The following TRHDE variants were observed in gnomAD, a reference collection of about 807,000 sequenced individuals.
TRHDE encodes thyrotropin releasing hormone degrading enzyme, also known as thyrotropin-releasing hormone-degrading ectoenzyme.
In TRHDE, 72 loss-of-function variants were observed where a neutral mutation model predicts 125.7. The observed-to-expected ratio is 0.57, with a 90% CI of 0.47 to 0.70. The LOEUF (loss-of-function observed/expected upper bound fraction) is 0.70, where lower values mean the gene tolerates loss of function less well. TRHDE is among the 30% of genes least tolerant of loss of function. The pLI, the probability that TRHDE is intolerant of heterozygous loss-of-function variation, is 0.00. For missense variants in TRHDE, 1,110 were observed against 1,327.1 expected (o/e 0.84, Z 2.54); for synonymous variants, 509 against 509.1 (o/e 1.00, Z 0.00).
At chr12:72,146,407 A>G (rs1007822787) in intron 2 of TRHDE, among the ~76,000 whole-genome samples, 4 of 152,106 alleles carry the variant, frequency 2.6e-5, no homozygotes, top group African/African-American at 9.7e-5. Flanking sequence ...CTGAATTTCC[A>G]TCTCTTACTT....
chr12:72,412,964 C>T (rs1046623410), intron 3 of TRHDE, among the ~76,000 whole-genome samples: 2 of 151,788 alleles, frequency 1.3e-5, no homozygotes, highest in Non-Finnish European at 2.9e-5. Context: ...GGGCAGTGAT[C>T]GGGGTGGTGC....
chr12:72,104,748 A>T (rs1302080259), intron 1 of TRHDE, among the ~76,000 whole-genome samples: 2 of 152,200 alleles, frequency 1.3e-5, no homozygotes, highest in African/African-American at 4.8e-5. Flanking sequence ...TCCATGCCAC[A>T]CTATTAACAG....
At chr12:72,282,843 T>A (rs1879745500) in intron 1 of TRHDE, among the ~76,000 whole-genome samples, 1 of 152,210 alleles carries the variant, frequency 6.6e-6, no homozygotes, top group Non-Finnish European at 1.5e-5. Context: ...GGACAATTTC[T>A]TCCTACAGTG....
At position 72,609,968 on chromosome 12, in the gene TRHDE, AC is replaced by A. The variant is rs558433160; in HGVS notation, c.2322-8921del. Among the ~76,000 whole-genome samples the A allele has an allele frequency of 1.8e-4, 27 of 152,190 alleles. No homozygotes were observed. In the South Asian group the frequency reaches 5.0e-3, roughly 28 times the overall value. On this transcript the variant is annotated intron_variant, in intron 12 of 18. Coordinates refer to ENST00000261180, the MANE Select transcript of TRHDE (RefSeq NM_013381.3). ...TGCTCAATAAGCAGAATTCCATACT[AC>A]CTTTAAGAGTTGTATTTTCCATGGA... is the stretch of plus-strand genomic sequence containing the variant.
intron 15 of TRHDE, among the ~76,000 whole-genome samples, 182 bp downstream of exon 15, chr12:72,621,933 CTT>C (rs769468397): frequency 6.6e-6 from 1 of 152,110 alleles, no homozygotes; most frequent in Non-Finnish European, 1.5e-5. Context: ...ATACAGGTAT[CTT>C]TGAAATGTTT....
Position 72,327,137 on chromosome 12 carries a change from A to C in TRHDE, c.1188+40183A>C, listed in dbSNP as rs1869379096. Among the ~76,000 whole-genome samples, 5 of 152,106 alleles carry C rather than the reference A, an allele frequency of 3.3e-5. No homozygotes were observed. In the South Asian group the frequency reaches 1.0e-3, roughly 32 times the overall value. On this transcript the variant is annotated intron_variant, in intron 2 of 18. Coordinates refer to ENST00000261180, the MANE Select transcript of TRHDE (RefSeq NM_013381.3). ...TCACTCATATCTCTCACAAAATCAAAGATATTTCAGAAAATTGTTTGAGCT... is the reference window on the plus strand; with the variant it reads ...TCACTCATATCTCTCACAAAATCAACGATATTTCAGAAAATTGTTTGAGCT...
intron 2 of TRHDE, among the ~76,000 whole-genome samples, chr12:72,307,420 C>T (rs1424905210): frequency 6.6e-6 from 1 of 151,510 alleles, no homozygotes; most frequent in African/African-American, 2.4e-5. Flanking sequence ...AGTGGATCCA[C>T]CCGCCTCCCA....
chr12:72,661,583 A>G (rs1474474349), intron 18 of TRHDE, among the ~76,000 whole-genome samples: 2 of 152,150 alleles, frequency 1.3e-5, no homozygotes, highest in East Asian at 3.9e-4. Context: ...ACATAAATAT[A>G]TAAGTACAAA....
chr12:72,142,221 A>G (rs1876127501), intron 2 of TRHDE, among the ~76,000 whole-genome samples: 1 of 152,176 alleles, frequency 6.6e-6, no homozygotes, highest in Non-Finnish European at 1.5e-5. Flanking sequence ...GTAAGCCTGT[A>G]AAGTCCCAGG....
At chr12:72,382,670 G>A (rs1872239599) in intron 3 of TRHDE, among the ~76,000 whole-genome samples, 1 of 152,168 alleles carries the variant, frequency 6.6e-6, no homozygotes. Context: ...GCTTTGGAAG[G>A]AATGTTTGTA....
rs759509407 is a variant in TRHDE at position 72,273,149 on chromosome 12, C to T, written c.506C>T (p.Pro169Leu). ...VASPGTTSAQPPSEEEREPWE... is the reference protein window; with the variant it reads ...VASPGTTSAQLPSEEEREPWE... ...AGTCCGGGGACCACGTCGGCCCAGC[C>T]GCCGTCGGAGGAGGAGCGGGAGCCG... Residue 169 changes from proline (P) to leucine (L), a missense_variant, in exon 1 of 19, where the codon CCG becomes CTG. Around this residue, in one of 5 missense-constraint regions of TRHDE, gnomAD observed 248 missense variants for 240.8 expected, o/e 1.03. Coordinates refer to ENST00000261180, the MANE Select transcript of TRHDE (RefSeq NM_013381.3). This position sits in a 1 kb window ranked among gnomAD's most constrained non-coding sequence, Gnocchi z 5.3. 6.4e-6 allele frequency: 10 copies of T among 1,570,554 alleles called. No individual in the cohort carries two copies. The highest frequency in any genetic ancestry group is 8.6e-6 in the Non-Finnish European group (10 of 1,156,746).
chr12:72,494,978 G>A (rs1356140291), intron 5 of TRHDE, among the ~76,000 whole-genome samples: 2 of 142,038 alleles, frequency 1.4e-5, no homozygotes, highest in East Asian at 4.3e-4. Context: ...CTTGCAAAAT[G>A]TCTAAAACTG....
chr12:72,512,545 CA>C (rs998022114), intron 6 of TRHDE, among the ~76,000 whole-genome samples: 29 of 126,526 alleles, frequency 2.3e-4, no homozygotes, highest in South Asian at 4.7e-4. Flanking sequence ...TATATATATT[CA>C]TATATAATCA....
intron 2 of TRHDE, among the ~76,000 whole-genome samples, chr12:72,179,383 T>C (rs1013501195): frequency 6.6e-6 from 1 of 152,120 alleles, no homozygotes; most frequent in Non-Finnish European, 1.5e-5. Flanking sequence ...TAAAGGATTT[T>C]ACAAATTACC....
chr12:72,381,492 T>C (rs1592404953), intron 3 of TRHDE, among the ~76,000 whole-genome samples: 1 of 143,530 alleles, frequency 7.0e-6, no homozygotes, highest in South Asian at 2.3e-4. Context: ...GCCTCCCGGG[T>C]TCACGCCATT....
At chr12:72,308,955 T>C (rs1174809100) in intron 2 of TRHDE, among the ~76,000 whole-genome samples, 1 of 152,226 alleles carries the variant, frequency 6.6e-6, no homozygotes, top group Non-Finnish European at 1.5e-5. Flanking sequence ...CTTTGTTCTT[T>C]TTTTAATGTT....
chr12:72,529,976 G>C (rs756846573), intron 6 of TRHDE, among the ~76,000 whole-genome samples: 60 of 152,202 alleles, frequency 3.9e-4, no homozygotes, highest in Non-Finnish European at 6.2e-4. Context: ...AGTGAATGAA[G>C]GTCTGTACTA....
chr12:72,499,445 C>T lies in TRHDE; in HGVS notation c.1585-53C>T. 3.8e-6 allele frequency: 6 copies of T among 1,590,560 alleles called. 1 individual carries two copies. The South Asian group carries it at 6.8e-5, about 18-fold the overall frequency. On this transcript the variant is annotated intron_variant, in intron 5 of 18. Coordinates refer to ENST00000261180, the MANE Select transcript of TRHDE (RefSeq NM_013381.3). ...CACATTATGTTCATGTCATCATATA[C>T]ATATGTCTAACTATGAATCACCTAT...
intron 2 of TRHDE, among the ~76,000 whole-genome samples, chr12:72,117,171 G>C (rs998066277): frequency 6.6e-6 from 1 of 152,050 alleles, no homozygotes; most frequent in Admixed American, 6.6e-5. Context: ...GTCCTAGAAA[G>C]TTTCTCTAGT....
Sources: gnomAD v4.1 joint callset for allele counts (sites outside exome capture counted in the v4.1 genomes callset) on GRCh38, gnomAD v4.1.1 for gene constraint, gnomAD v4.1.1 regional missense constraint, Gnocchi (gnomAD v3.1) non-coding constraint, MANE v1.5 for transcripts, NCBI Gene and HGNC (gene_info 2026-07-23, HGNC 2026-07-21) for gene names.